NEBL: variants seen among roughly 807,000 people sequenced by gnomAD.
NEBL encodes LIM and SH3 protein 2.
Under a neutral mutation model 140.2 loss-of-function variants are expected in NEBL, and 122 were observed. That is an observed-to-expected ratio of 0.87 (90% CI 0.75 to 1.01). NEBL has a LOEUF of 1.01. Among genes scored for constraint, NEBL ranks in the 50% least tolerant of loss-of-function variants. The probability of loss-of-function intolerance (pLI) is 0.00; values close to 1 mark genes in which losing one functional copy is unlikely to be tolerated. For missense variants in NEBL, 1,365 were observed against 1,231.3 expected, an observed-to-expected ratio of 1.11 and a Z score of -1.62; for synonymous variants, 436 against 398.9, an observed-to-expected ratio of 1.09 and a Z score of -1.11.
At chr10:21,284,330 C>A (rs1268248804) in intron 1 of NEBL, among the ~76,000 whole-genome samples, 1 of 149,108 alleles carries the variant, frequency 6.7e-6, no homozygotes, top group Non-Finnish European at 1.5e-5. Flanking sequence ...AGCTTTTGTT[C>A]TTTCTAATCA....
At position 21,173,707 on chromosome 10, in the gene NEBL, A is replaced by T. The variant is rs1311012463; in HGVS notation, c.69+58T>A. The T allele has an allele frequency of 2.5e-6, 4 of 1,608,276 alleles. No homozygotes were observed. Among genetic ancestry groups the T allele is most frequent in the Non-Finnish European group, 1.7e-6 (2 of 1,179,244 alleles). ...CCATCCCAGGTGCCAAAACTTCTCG[A>T]AGCAGGTGCAGCCCCTCGCCCGGCA... On this transcript the variant is annotated intron_variant, in intron 1 of 6. Coordinates refer to the NEBL transcript ENST00000417816. This position sits in a 1 kb window ranked among gnomAD's most constrained non-coding sequence, Gnocchi z 5.7.
At chr10:20,788,568 T>A (rs1466095138) in intron 26 of NEBL, among the ~76,000 whole-genome samples, 1 of 152,154 alleles carries the variant, frequency 6.6e-6, no homozygotes, top group African/African-American at 2.4e-5. Context: ...GGGGATTTTT[T>A]AAATAGTTCT....
At chr10:21,276,791 A>G (rs1433900366) in intron 1 of NEBL, among the ~76,000 whole-genome samples, 4 of 152,186 alleles carry the variant, frequency 2.6e-5, no homozygotes, top group Non-Finnish European at 4.4e-5. Context: ...CAACATGGGG[A>G]AACCCCATCT....
chr10:20,967,390 G>A (rs1190629057), intron 3 of NEBL, among the ~76,000 whole-genome samples: 1 of 152,226 alleles, frequency 6.6e-6, no homozygotes, highest in Non-Finnish European at 1.5e-5. Flanking sequence ...CACTTTGGGA[G>A]GCCGGGGCAG....
intron 4 of NEBL, among the ~76,000 whole-genome samples, chr10:20,932,002 C>T (rs1469960872): frequency 6.6e-6 from 1 of 152,166 alleles, no homozygotes; most frequent in African/African-American, 2.4e-5. Context: ...CACCACTCAC[C>T]CATTTACTAG....
At chr10:21,110,834 T>C (rs995368579) in intron 2 of NEBL, 50 of 613,098 alleles carry the variant, frequency 8.2e-5, no homozygotes, top group Admixed American at 1.9e-4. Flanking sequence ...TTGCACATTG[T>C]TGAAGCAGAG....
intron 5 of NEBL, among the ~76,000 whole-genome samples, chr10:20,878,755 C>T (rs1845743737): frequency 6.6e-6 from 1 of 152,120 alleles, no homozygotes; most frequent in African/African-American, 2.4e-5. Flanking sequence ...GTCAAGTCGG[C>T]AGAGGAGTAT....
intron 3 of NEBL, among the ~76,000 whole-genome samples, chr10:21,213,496 T>C (rs1841947174): frequency 1.3e-5 from 2 of 152,194 alleles, no homozygotes; most frequent in Admixed American, 1.3e-4. Flanking sequence ...TGCCTCCTTG[T>C]GTGCAAGTTA....
At chr10:21,158,581 C>A (rs551534105) in intron 2 of NEBL, among the ~76,000 whole-genome samples, 3 of 152,284 alleles carry the variant, frequency 2.0e-5, no homozygotes, top group Admixed American at 6.5e-5. Flanking sequence ...TTCACTCCCC[C>A]ACCACATCCG....
chr10:20,845,390 T>A (rs759312535), intron 11 of NEBL, 22 bp from the exon 12 acceptor site: 3 of 1,389,986 alleles, frequency 2.2e-6, no homozygotes, highest in East Asian at 2.3e-5. Flanking sequence ...GACCACATAA[T>A]TTTAAAGTTA....
At chr10:20,817,223 C>T (rs1018202771) in intron 21 of NEBL, among the ~76,000 whole-genome samples, 1 of 152,042 alleles carries the variant, frequency 6.6e-6, no homozygotes, top group Non-Finnish European at 1.5e-5. Flanking sequence ...AAAAATTAGC[C>T]AGGTGTGGCA....
rs1440538438 is a variant in NEBL, at chr10:20,845,114, C to T, written c.1227+144G>A. 8.5e-6 allele frequency: 5 copies of T among 589,890 alleles called. No individual in the cohort carries two copies. In the East Asian group the frequency reaches 1.4e-4, roughly 17 times the overall value. 36.5% of individuals were successfully genotyped at this position (589,890 alleles called of 1,614,324 possible). ...TCTTGTTTCTAATGAAAATGCAACA[C>T]TTTATTAGTGAAGATCAAAGTGAAA... On this transcript the variant is annotated intron_variant, in intron 12 of 27. Coordinates refer to ENST00000377122, the MANE Select transcript of NEBL (RefSeq NM_006393.3).
At chr10:21,132,306 T>C (rs780882989) in intron 2 of NEBL, among the ~76,000 whole-genome samples, 1 of 152,222 alleles carries the variant, frequency 6.6e-6, no homozygotes, top group Non-Finnish European at 1.5e-5. Flanking sequence ...ATTAACAGCA[T>C]GATCAGTGCT....
chr10:20,940,230 A>T (rs1054962521), intron 4 of NEBL, among the ~76,000 whole-genome samples: 4 of 152,068 alleles, frequency 2.6e-5, no homozygotes, highest in African/African-American at 9.7e-5. Context: ...ATTATAACAA[A>T]CTATCTCTCA....
At chr10:20,818,831 T>C (rs1211634932) in intron 20 of NEBL, 2 of 990,510 alleles carry the variant, frequency 2.0e-6, no homozygotes, top group African/African-American at 1.7e-5. Context: ...ACGCAGTTCA[T>C]GCCCTTCAAC....
chr10:21,246,606 G>A (rs1321365843), intron 3 of NEBL, among the ~76,000 whole-genome samples: 1 of 152,040 alleles, frequency 6.6e-6, no homozygotes, highest in African/African-American at 2.4e-5. Context: ...AGTGCTTTGG[G>A]AGGCCAAGGC....
At chr10:21,003,166 C>G (rs950102621) in intron 3 of NEBL, among the ~76,000 whole-genome samples, 1 of 152,098 alleles carries the variant, frequency 6.6e-6, no homozygotes, top group Non-Finnish European at 1.5e-5. Flanking sequence ...CATAAAATCC[C>G]TAGACCACAG....
chr10:20,824,772 T>A (rs1839673304), intron 18 of NEBL, among the ~76,000 whole-genome samples: 1 of 152,232 alleles, frequency 6.6e-6, no homozygotes, highest in South Asian at 2.1e-4. Context: ...TGATTAAAGA[T>A]GAACACTTTT....
intron 2 of NEBL, among the ~76,000 whole-genome samples, chr10:21,078,783 G>C (rs1564503413): frequency 6.6e-6 from 1 of 152,182 alleles, no homozygotes; most frequent in Non-Finnish European, 1.5e-5. Flanking sequence ...GAAAGAAAAA[G>C]AGTAAGAGAC....
Sources: allele counts gnomAD v4.1 joint callset (sites outside exome capture counted in the v4.1 genomes callset), GRCh38; gene constraint gnomAD v4.1.1; non-coding constraint Gnocchi (gnomAD v3.1); transcripts MANE v1.5; gene names NCBI Gene and HGNC (gene_info 2026-07-23, HGNC 2026-07-21).